The following PXDN variants were observed in gnomAD, a reference collection of about 807,000 sequenced individuals.
PXDN encodes the protein peroxidasin homolog.
PXDN carries 77 observed loss-of-function variants against 140.3 expected under a neutral mutation model. The observed-to-expected ratio is 0.55, with a 90% CI of 0.46 to 0.66. The LOEUF is 0.66. PXDN is among the 30% of genes least tolerant of loss of function. The pLI, the probability that PXDN is intolerant of heterozygous loss-of-function variation, is 0.00. For synonymous variants in PXDN, 911 were observed against 857.4 expected (o/e 1.06, Z -1.09); for missense variants, 1,838 against 2,039.5 (o/e 0.90, Z 1.90).
rs1216740874 is a variant in PXDN, at chr2:1,666,205, G to A, written c.1291+9C>T. Reference sequence around the variant, plus strand: ...AGCCCTGGCTCTGGCACAGAGGATGGATACCCACCCTGGACGATGATGAAA... The same window carrying A: ...AGCCCTGGCTCTGGCACAGAGGATGAATACCCACCCTGGACGATGATGAAA... On this transcript the variant is annotated intron_variant, in intron 10 of 22. Coordinates refer to ENST00000252804, the MANE Select transcript of PXDN (RefSeq NM_012293.3). 3 of 1,612,684 alleles carry A rather than the reference G, an allele frequency of 1.9e-6. No homozygotes were observed. The highest frequency in any genetic ancestry group is 2.5e-6 in the Non-Finnish European group (3 of 1,178,852).
At chr2:1,682,813 G>A (rs1365769023) in intron 6 of PXDN, among the ~76,000 whole-genome samples, 6 of 152,052 alleles carry the variant, frequency 3.9e-5, no homozygotes, top group East Asian at 3.9e-4. Flanking sequence ...GGTCGCACGC[G>A]CCTGTAATCC....
At chr2:1,656,076 AAC>A (rs1328695976) in intron 14 of PXDN, among the ~76,000 whole-genome samples, 10 of 151,304 alleles carry the variant, frequency 6.6e-5, no homozygotes, top group East Asian at 2.0e-4. Flanking sequence ...TCACACTATA[AAC>A]ACACAGACAC....
Position 1,638,889 on chromosome 2 carries a change from A to G in PXDN, c.4163T>C (p.Phe1388Ser). 1 of 1,613,914 alleles carries G rather than the reference A, an allele frequency of 6.2e-7. No individual in the cohort carries two copies. The highest frequency in any genetic ancestry group is 8.5e-7 in the Non-Finnish European group (1 of 1,179,860). The change falls in exon 21 of 23, where the codon TTT (phenylalanine) becomes TCT (serine). Residue 1388 changes from phenylalanine to serine, a missense_variant. Around this residue, in one of 5 missense-constraint regions of PXDN, gnomAD observed 850 missense variants for 894.1 expected, o/e 0.95. Transcript: ENST00000252804. ...GATGGTCTTCTGCATTTCCAGAACA[A>G]ACTCTCTGAAGTCATTTGTCCCAGA... ...DASGTNDFRE[F>S]VLEMQKTITD... is the part of the protein sequence containing the mutation.
rs1172607325 is a variant in PXDN at position 1,634,287 on chromosome 2, G to A, written c.4357C>T (p.Pro1453Ser). Residue 1453 changes from proline to serine, a missense_variant, in exon 23 of 23, where the codon CCT becomes TCT. Pro to Ser is a moderately conservative substitution (Grantham distance 74). Coordinates refer to ENST00000252804, the MANE Select transcript of PXDN (RefSeq NM_012293.3). ...QVTCFVEACPPATCAVPVNIP... is the reference protein window; with the variant it reads ...QVTCFVEACPSATCAVPVNIP... Reference sequence around the variant, plus strand: ...TTCACGGGGACAGCACAGGTGGCAGGGGGGCAAGCTTCCACGAAGCAGGTG... The same window carrying A: ...TTCACGGGGACAGCACAGGTGGCAGAGGGGCAAGCTTCCACGAAGCAGGTG... 2 of 1,605,546 alleles carry A rather than the reference G, an allele frequency of 1.2e-6. No homozygotes were observed. The highest frequency in any genetic ancestry group is 1.3e-5 in the African/African-American group (1 of 74,964).
intron 1 of PXDN, among the ~76,000 whole-genome samples, chr2:1,707,761 G>A (rs1242476154): frequency 6.6e-6 from 1 of 152,192 alleles, no homozygotes; most frequent in Non-Finnish European, 1.5e-5. Context: ...TGCAGAGGAG[G>A]GATTCGTACC....
chr2:1,644,071 CAAAAAAAA>C (rs74164529), intron 18 of PXDN, among the ~76,000 whole-genome samples: 1 of 38,440 alleles, frequency 2.6e-5, no homozygotes, highest in Non-Finnish European at 4.1e-5. Flanking sequence ...GACTCTGTCT[CAAAAAAAA>C]AAAAAAAAAA....
At chr2:1,727,231 C>T (rs1685208305) in intron 1 of PXDN, among the ~76,000 whole-genome samples, 1 of 152,240 alleles carries the variant, frequency 6.6e-6, no homozygotes, top group African/African-American at 2.4e-5. Context: ...CGCCCCGTCA[C>T]AGCCATCCCA....
chr2:1,714,101 G>A lies in PXDN; in HGVS notation c.201-20967C>T, dbSNP rs1034527030. ...TTCGGATAAACAGCTTCAAGAAAGC[G>A]CATCCGTCACCTTTGGTGACTTCCC... On this transcript the variant is annotated intron_variant, in intron 1 of 22. Coordinates refer to ENST00000252804, the MANE Select transcript of PXDN (RefSeq NM_012293.3). This position sits in a 1 kb window ranked among gnomAD's most constrained non-coding sequence, Gnocchi z 4.3. Among the ~76,000 whole-genome samples the A allele has an allele frequency of 2.2e-4, 33 of 152,180 alleles. No homozygotes were observed. Among genetic ancestry groups the A allele is most frequent in the Middle Eastern group, 3.2e-3 (1 of 316 alleles).
rs1025093655 is a variant in PXDN at position 1,714,371 on chromosome 2, G to A, written c.201-21237C>T. 3.3e-5 allele frequency among the ~76,000 whole-genome samples: 5 copies of A among 152,300 alleles called. No homozygotes were observed. Among genetic ancestry groups the A allele is most frequent in the Non-Finnish European group, 5.9e-5 (4 of 68,030 alleles). ...CCACTCGCTCCCATGCCTTTGAGAG[G>A]AGATCAGGTCTTGCCTCTGCCAAGA... On this transcript the variant is annotated intron_variant, in intron 1 of 22. Coordinates refer to ENST00000252804, the MANE Select transcript of PXDN (RefSeq NM_012293.3). The surrounding 1 kb of genome is among the most constrained non-coding windows in gnomAD (Gnocchi z 4.3).
At chr2:1,705,937 C>T (rs777331001) in intron 1 of PXDN, among the ~76,000 whole-genome samples, 11 of 152,088 alleles carry the variant, frequency 7.2e-5, no homozygotes, top group African/African-American at 1.7e-4. Context: ...AGCAGTTCTC[C>T]GTCCATTACG....
chr2:1,684,072 C>G lies in PXDN; in HGVS notation c.488+8G>C, dbSNP rs142878073. On this transcript the variant is annotated splice_region_variant and intron_variant, in intron 5 of 22. Coordinates refer to ENST00000252804, the MANE Select transcript of PXDN (RefSeq NM_012293.3). ...GAATGGAAAGGCAAGGAACAACACA[C>G]AACTCACAGCCTCTCGAGCTTCGGG... 519 of 1,571,828 alleles carry G rather than the reference C, an allele frequency of 3.3e-4. 1 individual carries two copies. In the African/African-American group the frequency reaches 5.7e-3, roughly 17 times the overall value.
rs571010957 is a variant in PXDN at position 1,649,858 on chromosome 2, C to A, written c.2105-183G>T. ...GCTCACCTCCTGTTTGGTAAAACTG[C>A]TCCTCCCCTCCTCCAGCCCCAAACA... On this transcript the variant is annotated intron_variant, in intron 16 of 22. Coordinates refer to ENST00000252804, the MANE Select transcript of PXDN (RefSeq NM_012293.3). The surrounding 1 kb of genome is among the most constrained non-coding windows in gnomAD (Gnocchi z 7.1). Among the ~76,000 whole-genome samples the A allele has an allele frequency of 6.6e-6, 1 of 152,130 alleles. No homozygotes were observed. Among genetic ancestry groups the A allele is most frequent in the African/African-American group, 2.4e-5 (1 of 41,418 alleles).
intron 3 of PXDN, among the ~76,000 whole-genome samples, chr2:1,688,049 T>C (rs1684101504): frequency 6.6e-6 from 1 of 152,238 alleles, no homozygotes; most frequent in Non-Finnish European, 1.5e-5. Flanking sequence ...GCATGTATAA[T>C]GCATTGGCTG....
chr2:1,681,516 C>T (rs1403357829), intron 6 of PXDN, among the ~76,000 whole-genome samples: 4 of 151,904 alleles, frequency 2.6e-5, no homozygotes, highest in Non-Finnish European at 5.9e-5. Context: ...GAGGTGCTCA[C>T]CAGGGCGGCA....
chr2:1,716,571 G>A (rs1684901436), intron 1 of PXDN, among the ~76,000 whole-genome samples: 1 of 152,070 alleles, frequency 6.6e-6, no homozygotes, highest in South Asian at 2.1e-4. Context: ...AGCGTGGGAG[G>A]TGGCGGGCAG....
At chr2:1,705,820 A>T (rs1342033328) in intron 1 of PXDN, among the ~76,000 whole-genome samples, 7 of 151,310 alleles carry the variant, frequency 4.6e-5, no homozygotes, top group Admixed American at 3.9e-4. Flanking sequence ...GCGGCTGCCT[A>T]TGACCTGGGA....
At chr2:1,680,110 T>C (rs1683854621) in intron 7 of PXDN, 83 bp downstream of exon 7, 17 of 1,431,238 alleles carry the variant, frequency 1.2e-5, no homozygotes, top group Non-Finnish European at 1.5e-5. Context: ...GTGGATGTTG[T>C]GTGTGTAGAT....
chr2:1,673,741 G>A lies in PXDN; in HGVS notation c.920C>T (p.Thr307Ile), dbSNP rs1431457562. Residue 307 changes from threonine to isoleucine, a missense_variant, in exon 9 of 23, where the codon ACA becomes ATA. Transcript: ENST00000252804. ...GTAGATACCCTGGTCTGTCTCCTGT[G>A]TGTTCTGGATCATCAGGGTCCCATC... is the stretch of plus-strand genomic sequence containing the variant. ...LDDGTLMIQN[T>I]QETDQGIYQC... 6.2e-7 allele frequency: 1 copy of A among 1,613,890 alleles called. No individual in the cohort carries two copies. Among genetic ancestry groups the A allele is most frequent in the African/African-American group, 1.3e-5 (1 of 74,932 alleles).
At chr2:1,740,217 G>A (rs141909282) in intron 1 of PXDN, among the ~76,000 whole-genome samples, 7 of 152,190 alleles carry the variant, frequency 4.6e-5, no homozygotes, top group African/African-American at 9.7e-5. Context: ...CCCGGCAGGC[G>A]GGCCCCTCTG....
Sources: allele counts gnomAD v4.1 joint callset (sites outside exome capture counted in the v4.1 genomes callset), GRCh38; gene constraint gnomAD v4.1.1; regional missense constraint gnomAD v4.1.1; non-coding constraint Gnocchi (gnomAD v3.1); transcripts MANE v1.5; gene names NCBI Gene and HGNC (gene_info 2026-07-23, HGNC 2026-07-21).